The following ZNF518A variants were observed in gnomAD, a reference collection of about 807,000 sequenced individuals.
ZNF518A encodes the protein zinc finger protein 518.
ZNF518A carries 47 observed loss-of-function variants against 102.7 expected under a neutral mutation model. The observed-to-expected ratio is 0.46, with a 90% confidence interval of 0.36 to 0.58. The LOEUF is 0.58. Ranked by LOEUF, ZNF518A falls within the 20% of genes least tolerant of loss-of-function variation. The probability of loss-of-function intolerance (pLI) is 0.00; values close to 1 mark genes in which losing one functional copy is unlikely to be tolerated. For synonymous variants in ZNF518A, 652 were observed against 594.6 expected (o/e 1.10, Z -1.40); for missense variants, 1,793 against 1,699.8 (o/e 1.05, Z -0.96).
chr10:96,165,373 C>T (rs991063263), downstream of ZNF518A, among the ~76,000 whole-genome samples: 12 of 150,896 alleles, frequency 8.0e-5, 1 homozygote, highest in Admixed American at 1.3e-4. Context: ...CTCCCAAAGT[C>T]TGGGATTATA....
chr10:96,148,463 AG>A lies in ZNF518A; in HGVS notation c.-301-6862del. Among the ~76,000 whole-genome samples the A allele has an allele frequency of 2.0e-5, 3 of 152,290 alleles. No homozygotes were observed. The Middle Eastern group carries it at 0.01, about 518-fold the overall frequency. On this transcript the variant is annotated intron_variant, in intron 3 of 5. Transcript: ENST00000316045. Reference sequence around the variant, plus strand: ...CTCAAAAAAAAAAATGTTTTGTCTTAGTACATAGTCTCAGTTTCTAACAAAT... The same window carrying A: ...CTCAAAAAAAAAAATGTTTTGTCTTATACATAGTCTCAGTTTCTAACAAAT...
In ZNF518A at chr10:96,190,128, A is replaced by G. The variant is rs2083305586; in HGVS notation, n.36-13446A>G. ...GCTCATTTTCATCATTATCCACCTT[A>G]AAGTGATCATCTTTGTCGGCCTTTA... On this transcript the variant is annotated intron_variant and non_coding_transcript_variant, in intron 1 of 2. Coordinates refer to the ZNF518A transcript ENST00000442635. 6 of 997,744 alleles carry G rather than the reference A, an allele frequency of 6.0e-6. No homozygotes were observed. The South Asian group carries it at 7.6e-5, about 13-fold the overall frequency. The allele number at this position is 997,744 out of a possible 1,614,324, so 61.8% of individuals were successfully genotyped here. A position where few individuals can be genotyped will look rare whatever the true frequency, so the allele number is the denominator to read the frequency against.
At position 96,160,322 on chromosome 10, in the gene ZNF518A, T is replaced by A. The variant is rs1564787284; in HGVS notation, c.4000T>A (p.Ser1334Thr). The change falls in exon 6 of 6, where the codon TCT (serine) becomes ACT (threonine). Residue 1334 changes from serine (S) to threonine (T), a missense_variant. By Grantham distance (58) the Ser-to-Thr change is moderately conservative (BLOSUM62 1). Around this residue, in one of 3 missense-constraint regions of ZNF518A, gnomAD observed 1,741 missense variants for 1,622.6 expected, o/e 1.07. Coordinates refer to ENST00000316045, the MANE Select transcript of ZNF518A (RefSeq NM_001330736.2). Reference sequence around the variant, plus strand: ...AACTTTGCGGCTTTTCCCTTTTAGTTCTAAACAGCTTGTGAAATGTCCTAG... The same window carrying A: ...AACTTTGCGGCTTTTCCCTTTTAGTACTAAACAGCTTGTGAAATGTCCTAG... ...IRTLRLFPFS[S>T]KQLVKCPRRN... 1 of 1,613,720 alleles carries A rather than the reference T, an allele frequency of 6.2e-7. No individual in the cohort carries two copies. Among genetic ancestry groups the A allele is most frequent in the Non-Finnish European group, 8.5e-7 (1 of 1,179,702 alleles).
At chr10:96,196,387 T>G (rs1554894679) in intron 1 of ZNF518A, among the ~76,000 whole-genome samples, 1 of 152,188 alleles carries the variant, frequency 6.6e-6, no homozygotes, top group African/African-American at 2.4e-5. Flanking sequence ...GCATTAAAGT[T>G]AATGTTTGAT....
At chr10:96,151,061 G>A (rs2082429007) in intron 3 of ZNF518A, among the ~76,000 whole-genome samples, 1 of 152,054 alleles carries the variant, frequency 6.6e-6, no homozygotes, top group African/African-American at 2.4e-5. Flanking sequence ...CCTTACTGCA[G>A]TAACTTTCAT....
intron 3 of ZNF518A, 50 bp downstream of exon 3, chr10:96,133,698 G>A (rs1414791781): frequency 6.6e-6 from 1 of 152,136 alleles, no homozygotes; most frequent in Non-Finnish European, 1.5e-5. Context: ...GATTATTTAT[G>A]TAACTGCTGA....
intron 3 of ZNF518A, among the ~76,000 whole-genome samples, chr10:96,153,076 T>A (rs2082528740): frequency 6.6e-6 from 1 of 152,160 alleles, no homozygotes; most frequent in Admixed American, 6.5e-5. Flanking sequence ...AATGGTCCAA[T>A]TCTCAGTCTG....
chr10:96,142,788 G>T (rs587682202), intron 3 of ZNF518A, among the ~76,000 whole-genome samples: 1 of 151,320 alleles, frequency 6.6e-6, no homozygotes. Flanking sequence ...AATCTTTCCG[G>T]ACCCAATGTG....
chr10:96,159,004 GATA>G lies in ZNF518A; in HGVS notation c.2687_2689del (p.Ile896del). 2 of 1,613,516 alleles carry G rather than the reference GATA, an allele frequency of 1.2e-6. No homozygotes were observed. The highest frequency in any genetic ancestry group is 1.7e-6 in the Non-Finnish European group (2 of 1,179,710). ...CATTACTTAAGACTCAGTCAGATGC[GATA>G]ATAACACAGCAGCTTGTAAAAGACA... On this transcript the variant is annotated inframe_deletion, in exon 6 of 6. Transcript: ENST00000316045.
chr10:96,191,764 A>G, intron 1 of ZNF518A: 1 of 575,830 alleles, frequency 1.7e-6, no homozygotes, highest in Non-Finnish European at 3.1e-6. Context: ...ACCTCACCAG[A>G]TATTAACAGT....
At chr10:96,188,727 C>G (rs1374376399) in intron 1 of ZNF518A, among the ~76,000 whole-genome samples, 1 of 152,136 alleles carries the variant, frequency 6.6e-6, no homozygotes. Context: ...CCTTTCCATA[C>G]AAAATTTCCC....
At position 96,158,909 on chromosome 10, in the gene ZNF518A, A is replaced by G. The variant is rs1362866514; in HGVS notation, c.2587A>G (p.Lys863Glu). ...TTTGAATTTGAAATTTGGAAAAGAA[A>G]AACAAGTGTCATCAATACCACAAGA... Reference protein sequence around the residue: ...NDLNLKFGKEKQVSSIPQDVR... With the variant: ...NDLNLKFGKEEQVSSIPQDVR... The change falls in exon 6 of 6, where the codon AAA becomes GAA. Residue 863 changes from lysine to glutamate, a missense_variant. Transcript: ENST00000316045. The G allele has an allele frequency of 9.9e-6, 16 of 1,613,582 alleles. No homozygotes were observed. The highest frequency in any genetic ancestry group is 5.0e-5 in the Admixed American group (3 of 59,956).
Position 96,130,364 on chromosome 10 carries a change from G to C in ZNF518A, c.-841G>C, listed in dbSNP as rs1369433303. On this transcript the variant is annotated 5_prime_UTR_variant, in exon 1 of 6. Coordinates refer to ENST00000316045, the MANE Select transcript of ZNF518A (RefSeq NM_001330736.2). ...CCGAGCGCTTTTGCCGACTGCTAGAGCTTACCCTTACTTTCTTAACCTGGG... is the reference window on the plus strand; with the variant it reads ...CCGAGCGCTTTTGCCGACTGCTAGACCTTACCCTTACTTTCTTAACCTGGG... Among the ~76,000 whole-genome samples the C allele has an allele frequency of 6.6e-6, 1 of 152,232 alleles. No homozygotes were observed. Among genetic ancestry groups the C allele is most frequent in the Non-Finnish European group, 1.5e-5 (1 of 68,044 alleles).
chr10:96,157,615 T>A lies in ZNF518A; in HGVS notation c.1293T>A (p.Asn431Lys), dbSNP rs2082758698. The A allele has an allele frequency of 8.7e-6, 14 of 1,613,784 alleles. No homozygotes were observed. The highest frequency in any genetic ancestry group is 1.2e-5 in the Non-Finnish European group (14 of 1,179,770). Residue 431 changes from asparagine to lysine, a missense_variant, in exon 6 of 6, where the codon AAT becomes AAA. Around this residue, in one of 3 missense-constraint regions of ZNF518A, gnomAD observed 1,741 missense variants for 1,622.6 expected, o/e 1.07. Transcript: ENST00000316045. ...CACTGAAAAATGTAATGATGAAAAATAATAAACTAGCAGTTTCCCCTAACT... is the reference window on the plus strand; with the variant it reads ...CACTGAAAAATGTAATGATGAAAAAAAATAAACTAGCAGTTTCCCCTAACT... ...GPTLKNVMMK[N>K]NKLAVSPNYN...
At chr10:96,176,924 A>C (rs1272133943) in intron 1 of ZNF518A, among the ~76,000 whole-genome samples, 3 of 151,902 alleles carry the variant, frequency 2.0e-5, no homozygotes, top group Admixed American at 1.3e-4. Context: ...AGCAATAAAA[A>C]CAACTTAGCT....
chr10:96,148,473 C>G (rs2133529883), intron 3 of ZNF518A, among the ~76,000 whole-genome samples: 1 of 152,314 alleles, frequency 6.6e-6, no homozygotes, highest in East Asian at 1.9e-4. Context: ...AGTACATAGT[C>G]TCAGTTTCTA....
chr10:96,159,476 A>G lies in ZNF518A; in HGVS notation c.3154A>G (p.Ile1052Val), dbSNP rs1300371947. 28 of 1,613,702 alleles carry G rather than the reference A, an allele frequency of 1.7e-5. No individual in the cohort carries two copies. Among genetic ancestry groups the G allele is most frequent in the Non-Finnish European group, 2.4e-5 (28 of 1,179,786 alleles). Residue 1052 changes from isoleucine to valine, a missense_variant, in exon 6 of 6, where the codon ATT (isoleucine) becomes GTT (valine). Coordinates refer to ENST00000316045, the MANE Select transcript of ZNF518A (RefSeq NM_001330736.2). ...TACTTTGCCATTAAAAGGCCCTTAC[A>G]TTTTGAAACCAACGAGTTCTGTGAA... ...ENTLPLKGPY[I>V]LKPTSSVKAV...
At chr10:96,186,266 T>C (rs1016411276) in intron 1 of ZNF518A, among the ~76,000 whole-genome samples, 5 of 152,132 alleles carry the variant, frequency 3.3e-5, no homozygotes, top group African/African-American at 4.8e-5. Flanking sequence ...GGTACCTCAA[T>C]TGGAAATGCA....
At chr10:96,131,387 C>A (rs587675661) in intron 1 of ZNF518A, among the ~76,000 whole-genome samples, 3 of 152,286 alleles carry the variant, frequency 2.0e-5, no homozygotes, top group Non-Finnish European at 2.9e-5. Flanking sequence ...AGTTTAACTG[C>A]AAATTTATAG....
Sources: allele counts gnomAD v4.1 joint callset (sites outside exome capture counted in the v4.1 genomes callset), GRCh38; gene constraint gnomAD v4.1.1; regional missense constraint gnomAD v4.1.1; transcripts MANE v1.5; gene names NCBI Gene and HGNC (gene_info 2026-07-23, HGNC 2026-07-21).